The following TEC variants were observed in gnomAD, a reference collection of about 807,000 sequenced individuals.
The protein encoded by TEC is tyrosine-protein kinase Tec.
A neutral mutation model predicts 93.0 loss-of-function variants in TEC; 72 were observed. The ratio of observed to expected loss-of-function variants is 0.77; its 90% CI spans 0.64 to 0.94. TEC has a LOEUF of 0.94. TEC is among the 40% of genes least tolerant of loss of function. The probability of loss-of-function intolerance (pLI) is 0.00; values close to 1 mark genes in which losing one functional copy is unlikely to be tolerated. For missense variants in TEC, 630 were observed against 757.9 expected (o/e 0.83, Z 1.98); for synonymous variants, 249 against 247.7 (o/e 1.01, Z -0.05).
Position 48,259,226 on chromosome 4 carries a change from A to G in TEC, c.-46+10526T>C, listed in dbSNP as rs116221197. ...ATTATAGTTTGTTGAATAGATGCAA[A>G]ACCTGAAGCACAGGAAAATAATTCC... On this transcript the variant is annotated intron_variant, in intron 1 of 17. Coordinates refer to ENST00000381501, the MANE Select transcript of TEC (RefSeq NM_003215.3). 6.6e-3 allele frequency among the ~76,000 whole-genome samples: 1,000 copies of G among 152,314 alleles called. 7 individuals are homozygous for G. The highest frequency in any genetic ancestry group is 0.01 in the Non-Finnish European group (691 of 68,016).
At chr4:48,217,957 A>G (rs997376163) in intron 2 of TEC, among the ~76,000 whole-genome samples, 13 of 50,844 alleles carry the variant, frequency 2.6e-4, no homozygotes, top group African/African-American at 8.9e-4. Flanking sequence ...CTTCCTAGAG[A>G]AAAAAAAAAA....
intron 1 of TEC, among the ~76,000 whole-genome samples, chr4:48,256,594 C>CAAAAAAAAAAAAAAAAAAAAAAAAAA (rs34792955): frequency 1.6e-5 from 1 of 61,712 alleles, no homozygotes; most frequent in Non-Finnish European, 3.2e-5. Context: ...GACCTTGTCT[C>CAAAAAAAAAAAAAAAAAAAAAAAAAA]AAAAAAAAAA....
At chr4:48,264,078 T>A (rs944493659) in intron 1 of TEC, among the ~76,000 whole-genome samples, 4 of 152,224 alleles carry the variant, frequency 2.6e-5, no homozygotes, top group African/African-American at 9.6e-5. Context: ...AATTTTTTTA[T>A]TTCATGTATA....
At chr4:48,174,983 G>A (rs1423426184) in intron 3 of TEC, among the ~76,000 whole-genome samples, 1 of 152,150 alleles carries the variant, frequency 6.6e-6, no homozygotes, top group Non-Finnish European at 1.5e-5. Context: ...CAGGCACAGA[G>A]AGGTTAAGTG....
chr4:48,250,629 G>A (rs1184180875), intron 1 of TEC, among the ~76,000 whole-genome samples: 1 of 152,140 alleles, frequency 6.6e-6, no homozygotes, highest in African/African-American at 2.4e-5. Flanking sequence ...GCCCAAACTA[G>A]CCTACTAGAG....
Position 48,146,405 on chromosome 4 carries a change from A to C in TEC, c.1007-6T>G. On this transcript the variant is annotated splice_region_variant and splice_polypyrimidine_tract_variant and intron_variant, in intron 11 of 17. Transcript: ENST00000381501. ...CCGAAGCCTGGTGACAAGTCCTAAT[A>C]ATCAAAGAAAGCGTTGCAGTCAAAC... The C allele has an allele frequency of 6.2e-7, 1 of 1,613,200 alleles. No individual in the cohort carries two copies. The highest frequency in any genetic ancestry group is 8.5e-7 in the Non-Finnish European group (1 of 1,179,346).
At chr4:48,184,637 A>G (rs1350671412) in intron 2 of TEC, among the ~76,000 whole-genome samples, 2 of 152,116 alleles carry the variant, frequency 1.3e-5, no homozygotes, top group Non-Finnish European at 2.9e-5. Context: ...GCACCACTGA[A>G]TTGTTTTGTG....
At chr4:48,182,525 G>A (rs957755248) in intron 2 of TEC, among the ~76,000 whole-genome samples, 1 of 129,826 alleles carries the variant, frequency 7.7e-6, no homozygotes, top group East Asian at 2.3e-4. Flanking sequence ...AAAGGACCAT[G>A]GGCAATACTC....
At chr4:48,199,239 A>G (rs1362336114) in intron 2 of TEC, among the ~76,000 whole-genome samples, 2 of 152,186 alleles carry the variant, frequency 1.3e-5, no homozygotes, top group African/African-American at 4.8e-5. Context: ...ACCAGATCCA[A>G]TGATTCCAAA....
intron 2 of TEC, among the ~76,000 whole-genome samples, chr4:48,198,361 G>A (rs894753137): frequency 5.9e-5 from 9 of 152,158 alleles, no homozygotes; most frequent in Admixed American, 5.9e-4. Flanking sequence ...GGGCTAACTA[G>A]GCATAAAACC....
chr4:48,166,833 T>C (rs1215968222), intron 7 of TEC, among the ~76,000 whole-genome samples: 8 of 151,522 alleles, frequency 5.3e-5, no homozygotes, highest in Admixed American at 5.3e-4. Flanking sequence ...ACAGCACTCA[T>C]ATATGCACCA....
Position 48,219,675 on chromosome 4 carries a change from C to G in TEC, c.138+8802G>C, listed in dbSNP as rs147617782. On this transcript the variant is annotated intron_variant, in intron 2 of 17. Coordinates refer to ENST00000381501, the MANE Select transcript of TEC (RefSeq NM_003215.3). ...CTTCAGCTACCTAAAAGGGAAGGGCCCCCTATACTGTAATCACGTGATTTG... is the reference window on the plus strand; with the variant it reads ...CTTCAGCTACCTAAAAGGGAAGGGCGCCCTATACTGTAATCACGTGATTTG... Among the ~76,000 whole-genome samples the G allele has an allele frequency of 2.9e-3, 440 of 152,148 alleles. 4 individuals carry two copies. Among genetic ancestry groups the G allele is most frequent in the African/African-American group, 0.01 (425 of 41,510 alleles).
chr4:48,190,491 A>G (rs1428076562), intron 2 of TEC, among the ~76,000 whole-genome samples: 1 of 152,238 alleles, frequency 6.6e-6, no homozygotes, highest in Non-Finnish European at 1.5e-5. Context: ...AGAACCAAAG[A>G]AATATGGGAT....
intron 2 of TEC, among the ~76,000 whole-genome samples, chr4:48,225,757 A>G (rs1275494587): frequency 2.0e-5 from 3 of 150,278 alleles, no homozygotes; most frequent in Non-Finnish European, 3.0e-5. Flanking sequence ...TTACTATGAG[A>G]GGCAAACAAA....
chr4:48,197,024 G>A (rs1560403667), intron 2 of TEC, among the ~76,000 whole-genome samples: 3 of 152,216 alleles, frequency 2.0e-5, no homozygotes, highest in Admixed American at 1.3e-4. Context: ...ATAGCAGGGA[G>A]CATCTTTGGT....
At chr4:48,168,510 C>A in intron 6 of TEC, 76 bp downstream of exon 6, 1 of 1,507,964 alleles carries the variant, frequency 6.6e-7, no homozygotes, top group South Asian at 1.2e-5. Context: ...CTCAGTAAGT[C>A]ACAAACACTA....
chr4:48,216,250 A>AAC (rs1455455550), intron 2 of TEC, among the ~76,000 whole-genome samples: 1 of 151,762 alleles, frequency 6.6e-6, no homozygotes, highest in East Asian at 1.9e-4. Flanking sequence ...CCAGGAAAAA[A>AAC]AAAAAAACAA....
intron 7 of TEC, among the ~76,000 whole-genome samples, chr4:48,165,484 T>C (rs1313849503): frequency 6.6e-6 from 1 of 152,182 alleles, no homozygotes; most frequent in African/African-American, 2.4e-5. Context: ...GAAAGAATCA[T>C]TAATGAACCC....
chr4:48,169,304 G>A (rs936499640), intron 5 of TEC, among the ~76,000 whole-genome samples: 2 of 152,014 alleles, frequency 1.3e-5, no homozygotes, highest in Non-Finnish European at 2.9e-5. Flanking sequence ...TCTAGTTTAA[G>A]TCACTGTAAC....
Sources: allele counts gnomAD v4.1 joint callset (sites outside exome capture counted in the v4.1 genomes callset), GRCh38; gene constraint gnomAD v4.1.1; transcripts MANE v1.5; gene names NCBI Gene and HGNC (gene_info 2026-07-23, HGNC 2026-07-21).